FAM107A: variants seen among roughly 807,000 people sequenced by gnomAD.
The protein encoded by FAM107A is actin-associated protein FAM107A.
A neutral mutation model predicts 13.7 loss-of-function variants in FAM107A; 19 were observed. The ratio of observed to expected loss-of-function variants is 1.38; its 90% CI spans 0.97 to 2.03. The LOEUF (loss-of-function observed/expected upper bound fraction) is 2.03. Among genes scored for constraint, FAM107A ranks in the 30% most tolerant of loss-of-function variants. The pLI is 0.00. For synonymous variants in FAM107A, 82 were observed against 74.5 expected (o/e 1.10, Z -0.52); for missense variants, 203 against 184.4 (o/e 1.10, Z -0.58).
rs149091409 is a variant in FAM107A at position 58,617,636 on chromosome 3, G to A, written c.-70+9780C>T. 3.1e-3 allele frequency among the ~76,000 whole-genome samples: 478 copies of A among 152,150 alleles called. 3 individuals are homozygous for A. The highest frequency in any genetic ancestry group is 0.011 in the African/African-American group (456 of 41,502). On this transcript the variant is annotated intron_variant, in intron 1 of 3. Transcript: ENST00000465970. The surrounding 1 kb of genome is among the most constrained non-coding windows in gnomAD (Gnocchi z 4.5). Reference sequence around the variant, plus strand: ...CCCTGGGGCCCAGGGAGGGAGCTGCGTTTTTGGGTTTCTGCCTGCGAGAAA... The same window carrying A: ...CCCTGGGGCCCAGGGAGGGAGCTGCATTTTTGGGTTTCTGCCTGCGAGAAA...
At chr3:58,614,294 G>A (rs781474517) in intron 1 of FAM107A, among the ~76,000 whole-genome samples, 2 of 152,102 alleles carry the variant, frequency 1.3e-5, no homozygotes, top group Non-Finnish European at 2.9e-5. Context: ...GAATTGGCCT[G>A]TAATTTACTT....
intron 1 of FAM107A, among the ~76,000 whole-genome samples, chr3:58,575,164 G>A (rs992313901): frequency 5.9e-5 from 9 of 152,206 alleles, no homozygotes; most frequent in Admixed American, 3.3e-4. Flanking sequence ...AGCCAGTAAA[G>A]CAATGGTTAA....
chr3:58,607,886 G>A (rs2065810921), intron 1 of FAM107A: 2 of 152,224 alleles, frequency 1.3e-5, no homozygotes, highest in Non-Finnish European at 2.9e-5. Flanking sequence ...GCCTCTGAAT[G>A]AGAACACAGT....
At chr3:58,611,537 G>T (rs2065854102) in intron 1 of FAM107A, among the ~76,000 whole-genome samples, 1 of 152,226 alleles carries the variant, frequency 6.6e-6, no homozygotes, top group Admixed American at 6.5e-5. Context: ...AGCCCAGGGA[G>T]CCTTGACAAC....
At chr3:58,573,371 TA>T (rs2063702898) in intron 1 of FAM107A, 1 of 152,244 alleles carries the variant, frequency 6.6e-6, no homozygotes, top group Non-Finnish European at 1.5e-5. Flanking sequence ...GGTCCTGTTA[TA>T]AAAGAGACTA....
At chr3:58,618,930 G>A (rs995315878) in intron 1 of FAM107A, among the ~76,000 whole-genome samples, 1 of 152,216 alleles carries the variant, frequency 6.6e-6, no homozygotes, top group Non-Finnish European at 1.5e-5. Flanking sequence ...ATTTTGAATA[G>A]TGAGCAAAAG....
chr3:58,567,479 T>C, intron 2 of FAM107A, 115 bp from the exon 3 acceptor site: 5 of 1,222,018 alleles, frequency 4.1e-6, no homozygotes, highest in Non-Finnish European at 5.6e-6. Flanking sequence ...CAATCCTCCC[T>C]GTAGCCTTGG....
intron 1 of FAM107A, among the ~76,000 whole-genome samples, chr3:58,603,348 G>A (rs990812558): frequency 3.3e-5 from 5 of 152,136 alleles, no homozygotes; most frequent in Non-Finnish European, 7.3e-5. Flanking sequence ...TCCTTCATGT[G>A]CATTCTATTA....
At chr3:58,583,871 G>A (rs1054174341) in intron 1 of FAM107A, among the ~76,000 whole-genome samples, 4 of 151,866 alleles carry the variant, frequency 2.6e-5, no homozygotes, top group African/African-American at 2.4e-5. Context: ...TTCTAGAGAC[G>A]AGATCTCACT....
Position 58,627,460 on chromosome 3 carries a change from G to A in FAM107A, c.-114C>T, listed in dbSNP as rs545362521. ...CCGACAGGGCCAGACGGTGGAGGCC[G>A]TGGGCTGGCTGAGGTGCAGAGCTCT... On this transcript the variant is annotated 5_prime_UTR_variant, in exon 1 of 4. Coordinates refer to the FAM107A transcript ENST00000465970. The A allele has an allele frequency of 8.5e-5, 14 of 165,314 alleles. No homozygotes were observed. The East Asian group carries it at 1.7e-3, about 20-fold the overall frequency. 10.2% of individuals were successfully genotyped at this position (165,314 alleles called of 1,614,324 possible). A position where few individuals can be genotyped will look rare whatever the true frequency, so the allele number is the denominator to read the frequency against.
chr3:58,600,829 G>T lies in FAM107A; in HGVS notation c.-69-11560C>A, dbSNP rs150532278. Among the ~76,000 whole-genome samples the T allele has an allele frequency of 3.0e-3, 455 of 152,242 alleles. 6 individuals carry two copies. Among genetic ancestry groups the T allele is most frequent in the African/African-American group, 0.01 (430 of 41,556 alleles). On this transcript the variant is annotated intron_variant, in intron 1 of 3. Transcript: ENST00000465970. ...AAAGAGAACAGAGCTGCCACCAGGT[G>T]GGAAGCCTCCAGCCCACCACAAGGG...
chr3:58,592,578 C>A (rs2065662630), intron 1 of FAM107A, among the ~76,000 whole-genome samples: 4 of 152,170 alleles, frequency 2.6e-5, no homozygotes, highest in Non-Finnish European at 5.9e-5. Flanking sequence ...TCTATACAGT[C>A]CGATAACGGA....
At chr3:58,593,021 C>T (rs1237492107) in intron 1 of FAM107A, among the ~76,000 whole-genome samples, 1 of 152,104 alleles carries the variant, frequency 6.6e-6, no homozygotes. Context: ...GAATCTGACC[C>T]CTCAAACTCT....
chr3:58,598,369 T>C (rs17059445), intron 1 of FAM107A, among the ~76,000 whole-genome samples: 9,862 of 152,224 alleles, frequency 0.065, 367 homozygotes, highest in African/African-American at 0.097. Context: ...CTGTTTTCTA[T>C]CAAAGGAGGC....
At chr3:58,586,965 C>G in exon 1 of FAM107A, 1 of 1,504,954 alleles carries the variant, frequency 6.6e-7, no homozygotes, top group African/African-American at 1.4e-5. Context: ...GCAGAGCCAG[C>G]ACTGCTGGCC....
intron 1 of FAM107A, among the ~76,000 whole-genome samples, chr3:58,615,782 G>A (rs907667579): frequency 6.6e-6 from 1 of 151,174 alleles, no homozygotes; most frequent in Admixed American, 6.6e-5. Context: ...TGTAATCCCA[G>A]CTACTCAGGA....
chr3:58,570,396 A>G, intron 1 of FAM107A: 1 of 984,848 alleles, frequency 1.0e-6, no homozygotes, highest in Non-Finnish European at 1.2e-6. Flanking sequence ...CAAAGAGGAG[A>G]GCATGAAATT....
intron 1 of FAM107A, among the ~76,000 whole-genome samples, chr3:58,593,591 T>TC (rs397782985): frequency 6.6e-6 from 1 of 151,822 alleles, no homozygotes; most frequent in Non-Finnish European, 1.5e-5. Context: ...TTTTTTTTTT[T>TC]ACTTTTCTAC....
intron 1 of FAM107A, among the ~76,000 whole-genome samples, chr3:58,622,788 T>TG (rs948189009): frequency 6.6e-5 from 10 of 152,062 alleles, no homozygotes; most frequent in Admixed American, 3.9e-4. Flanking sequence ...CTGCCTTTGT[T>TG]GGGGGGGATA....
Sources: gnomAD v4.1 joint callset for allele counts (sites outside exome capture counted in the v4.1 genomes callset) on GRCh38, gnomAD v4.1.1 for gene constraint, Gnocchi (gnomAD v3.1) non-coding constraint, MANE v1.5 for transcripts, NCBI Gene and HGNC (gene_info 2026-07-23, HGNC 2026-07-21) for gene names.